The following KDM3A variants were observed in gnomAD, a reference collection of about 807,000 sequenced individuals.
KDM3A encodes lysine-specific demethylase 3A.
Under a neutral mutation model 158.0 loss-of-function variants are expected in KDM3A, and 60 were observed. That is an observed-to-expected ratio of 0.38 (90% confidence interval 0.31 to 0.47). KDM3A has a LOEUF of 0.47. Ranked by LOEUF, KDM3A falls within the 20% of genes least tolerant of loss-of-function variation. The pLI, the probability that KDM3A is intolerant of heterozygous loss-of-function variation, is 0.99. For missense variants in KDM3A, 1,319 were observed against 1,574.3 expected (o/e 0.84, Z 2.74); for synonymous variants, 608 against 549.3 (o/e 1.11, Z -1.49).
chr2:86,482,054 C>A lies in KDM3A; in HGVS notation c.2637C>A (p.Asn879Lys). 6.2e-7 allele frequency: 1 copy of A among 1,614,142 alleles called. No homozygotes were observed. The highest frequency in any genetic ancestry group is 2.2e-5 in the East Asian group (1 of 44,884). Residue 879 changes from asparagine to lysine, a missense_variant, in exon 17 of 26, where the codon AAC becomes AAA. Asn to Lys is a moderately conservative substitution (Grantham distance 94, BLOSUM62 0). This residue lies in a region of KDM3A where 368 missense variants were observed against 415.8 expected (regional missense o/e 0.89). Transcript: ENST00000312912. ...FNSTILTPVS[N>K]NNSGFLRNLL... ...GCACAATTTTGACACCCGTAAGCAA[C>A]AACAATTCTGGTTTCCTCCGGAATC...
chr2:86,443,141 C>G (rs956268691), intron 2 of KDM3A: 1 of 152,180 alleles, frequency 6.6e-6, no homozygotes, highest in African/African-American at 2.4e-5. Context: ...AACAAAGACT[C>G]CAAAGTGGTG....
At chr2:86,439,058 C>T (rs1240973609), upstream of KDM3A, among the ~76,000 whole-genome samples, 2 of 151,892 alleles carry the variant, frequency 1.3e-5, no homozygotes, top group Non-Finnish European at 2.9e-5. Context: ...TGGTACGTAA[C>T]TTATATTCCT....
intron 18 of KDM3A, 100 bp from the exon 19 acceptor site, chr2:86,483,887 C>G: frequency 1.0e-6 from 1 of 966,358 alleles, no homozygotes; most frequent in Non-Finnish European, 1.5e-6. Context: ...AGCACCAGCT[C>G]CATGGAAATA....
intron 17 of KDM3A, 115 bp downstream of exon 17, chr2:86,482,217 G>T: frequency 7.9e-7 from 1 of 1,263,298 alleles, no homozygotes; most frequent in East Asian, 2.3e-5. Context: ...TTACCTTTGT[G>T]GGTTCAGAAG....
chr2:86,474,813 G>C lies in KDM3A; in HGVS notation c.1762G>C (p.Gly588Arg). 1 of 1,609,950 alleles carries C rather than the reference G, an allele frequency of 6.2e-7. No homozygotes were observed. Among genetic ancestry groups the C allele is most frequent in the Non-Finnish European group, 8.5e-7 (1 of 1,177,880 alleles). Residue 588 changes from glycine to arginine, a missense_variant, in exon 12 of 26, where the codon GGC becomes CGC. Gly to Arg is a moderately radical substitution (Grantham distance 125). Transcript: ENST00000312912. ...CAAACATGGTGTGTTGCGGGTAGAA[G>C]GCTTCTTAACACCAAACAAGTATGA... ...FNKHGVLRVE[G>R]FLTPNKYDNE...
At chr2:86,466,050 A>G (rs1673131140) in intron 9 of KDM3A, among the ~76,000 whole-genome samples, 2 of 151,972 alleles carry the variant, frequency 1.3e-5, no homozygotes, top group Admixed American at 6.6e-5. Context: ...CTTTGGTTTC[A>G]TACAATATTT....
At chr2:86,463,245 A>G (rs1672997351) in intron 8 of KDM3A, among the ~76,000 whole-genome samples, 1 of 152,200 alleles carries the variant, frequency 6.6e-6, no homozygotes, top group Admixed American at 6.5e-5. Flanking sequence ...TAAAAATTTA[A>G]GGTATATAAC....
At chr2:86,466,007 T>C (rs1382580257) in intron 9 of KDM3A, among the ~76,000 whole-genome samples, 1 of 151,774 alleles carries the variant, frequency 6.6e-6, no homozygotes, top group Non-Finnish European at 1.5e-5. Flanking sequence ...CTGGTTTTGA[T>C]ACTTATAAAC....
intron 8 of KDM3A, among the ~76,000 whole-genome samples, chr2:86,461,784 G>A (rs1672942375): frequency 1.3e-5 from 2 of 152,148 alleles, no homozygotes; most frequent in East Asian, 1.9e-4. Flanking sequence ...AAACGATGTA[G>A]CCAGAGAGAT....
intron 19 of KDM3A, 103 bp downstream of exon 19, chr2:86,484,261 G>A: frequency 1.0e-6 from 1 of 996,672 alleles, no homozygotes; most frequent in Non-Finnish European, 1.5e-6. Flanking sequence ...GCATTTTCCA[G>A]GATTTTGGAG....
chr2:86,441,988 C>A (rs1181502407), intron 1 of KDM3A, 30 bp from the exon 2 acceptor site: 1 of 1,587,830 alleles, frequency 6.3e-7, no homozygotes, highest in East Asian at 2.3e-5. Context: ...CCGGCCGCCC[C>A]CGTCGCATTT....
Position 86,480,235 on chromosome 2 carries a change from A to G in KDM3A, c.2385A>G (p.Pro795=). The change falls in exon 16 of 26, where the codon CCA becomes CCG. Residue 795 remains proline (P), a synonymous_variant. Coordinates refer to ENST00000312912, the MANE Select transcript of KDM3A (RefSeq NM_018433.6). ...VLQQNPSVLE[P]AAVGGEAASK... ...AGCAGAATCCCTCAGTGTTGGAGCC[A>G]GCAGCTGTGGGTGGGGAAGCAGCCT... 6.2e-7 allele frequency: 1 copy of G among 1,613,762 alleles called. No individual in the cohort carries two copies. Among genetic ancestry groups the G allele is most frequent in the Middle Eastern group, 1.7e-4 (1 of 5,730 alleles).
In KDM3A at chr2:86,482,013, C is replaced by G. The variant is rs768062449; in HGVS notation, c.2596C>G (p.Leu866Val). 6.2e-7 allele frequency: 1 copy of G among 1,613,994 alleles called. No homozygotes were observed. Among genetic ancestry groups the G allele is most frequent in the Non-Finnish European group, 8.5e-7 (1 of 1,179,860 alleles). Residue 866 changes from leucine (L) to valine (V), a missense_variant, in exon 17 of 26, where the codon CTC (leucine) becomes GTC (valine). Leu to Val is a conservative substitution (Grantham distance 32). Around this residue, in one of 4 missense-constraint regions of KDM3A, gnomAD observed 368 missense variants for 415.8 expected, o/e 0.89. Coordinates refer to ENST00000312912, the MANE Select transcript of KDM3A (RefSeq NM_018433.6). ...ACCTTTAAGCAAATCCAGCACAGTCCTCCATACGTTTAACAGCACAATTTT... is the reference window on the plus strand; with the variant it reads ...ACCTTTAAGCAAATCCAGCACAGTCGTCCATACGTTTAACAGCACAATTTT... The part of the protein sequence containing the change: ...LPPLSKSSTV[L>V]HTFNSTILTP...
chr2:86,465,973 T>A (rs930328403), intron 9 of KDM3A, among the ~76,000 whole-genome samples: 1 of 151,128 alleles, frequency 6.6e-6, no homozygotes, highest in Non-Finnish European at 1.5e-5. Context: ...AAGAAAACTT[T>A]CGGAATTGCC....
At chr2:86,474,612 C>T (rs140059036) in intron 11 of KDM3A, among the ~76,000 whole-genome samples, 164 bp from the exon 12 acceptor site, 3,317 of 148,378 alleles carry the variant, frequency 0.022, 129 homozygotes, top group African/African-American at 0.079. Flanking sequence ...TGCAGTGAGC[C>T]GAGATGGCAC....
In KDM3A at chr2:86,480,310, T is replaced by C. The variant is rs886382088; in HGVS notation, c.2460T>C (p.Pro820=). 2 of 1,614,042 alleles carry C rather than the reference T, an allele frequency of 1.2e-6. No homozygotes were observed. The highest frequency in any genetic ancestry group is 1.7e-6 in the Non-Finnish European group (2 of 1,179,998). The change falls in exon 16 of 26, where the codon CCT becomes CCC. Residue 820 remains proline (P), a synonymous_variant. Coordinates refer to ENST00000312912, the MANE Select transcript of KDM3A (RefSeq NM_018433.6). ...MKPACPASTS[P]LNWLADLTSG... ...CTGCCTGTCCAGCCAGCACATCTCC[T>C]CTAAACTGGCTGGCCGACCTAACCA...
At position 86,477,956 on chromosome 2, in the gene KDM3A, C is replaced by G; in HGVS notation, c.2019C>G (p.His673Gln). Residue 673 changes from histidine to glutamine, a missense_variant, in exon 13 of 26, where the codon CAC (histidine) becomes CAG (glutamine). Around this residue, in one of 4 missense-constraint regions of KDM3A, gnomAD observed 113 missense variants for 190.5 expected, o/e 0.59. Transcript: ENST00000312912. ...DVCDTTIFNL[H>Q]WVCPRCGFGV... ...GCGACACCACCATCTTCAACCTGCA[C>G]TGGGTGTGTCCTCGGTGTGGGTTTG... 6.2e-7 allele frequency: 1 copy of G among 1,614,162 alleles called. No homozygotes were observed. Among genetic ancestry groups the G allele is most frequent in the Non-Finnish European group, 8.5e-7 (1 of 1,180,014 alleles).
rs200464865 is a variant in KDM3A, at chr2:86,480,333, C to G, written c.2483C>G (p.Thr828Ser). The change falls in exon 16 of 26, where the codon ACC becomes AGC. Residue 828 changes from threonine (T) to serine (S), a missense_variant. By Grantham distance (58) the Thr-to-Ser change is moderately conservative. This residue lies in a region of KDM3A where 368 missense variants were observed against 415.8 expected (regional missense o/e 0.89). Coordinates refer to ENST00000312912, the MANE Select transcript of KDM3A (RefSeq NM_018433.6). ...CCTCTAAACTGGCTGGCCGACCTAA[C>G]CAGCGGGAATGTCAACAAGGAAAAC... ...TSPLNWLADL[T>S]SGNVNKENKE... is the part of the protein sequence containing the mutation. The G allele has an allele frequency of 3.3e-5, 54 of 1,613,260 alleles. No homozygotes were observed. The East Asian group carries it at 1.1e-3, about 34-fold the overall frequency.
intron 3 of KDM3A, among the ~76,000 whole-genome samples, chr2:86,450,738 A>T (rs1352119728): frequency 2.0e-5 from 3 of 152,184 alleles, no homozygotes. Flanking sequence ...GGTTGTGGTT[A>T]AAGTTTTATT....
Sources: gnomAD v4.1 joint callset for allele counts (sites outside exome capture counted in the v4.1 genomes callset) on GRCh38, gnomAD v4.1.1 for gene constraint, gnomAD v4.1.1 regional missense constraint, MANE v1.5 for transcripts, NCBI Gene and HGNC (gene_info 2026-07-23, HGNC 2026-07-21) for gene names.